Variants in ZC3H12B observed in about 807,000 individuals in gnomAD.
ZC3H12B encodes zinc finger CCCH-type containing 12B, also known as probable ribonuclease ZC3H12B.
Under a neutral mutation model 43.9 loss-of-function variants are expected in ZC3H12B, and 7 were observed. The ratio of observed to expected loss-of-function variants is 0.16; its 90% CI spans 0.09 to 0.30. The LOEUF (loss-of-function observed/expected upper bound fraction) is 0.30. Among genes scored for constraint, ZC3H12B ranks in the 10% least tolerant of loss-of-function variants. The pLI, the probability that ZC3H12B is intolerant of heterozygous loss-of-function variation, is 1.00. For missense variants in ZC3H12B, 475 were observed against 670.2 expected, an observed-to-expected ratio of 0.71 and a Z score of 3.22; for synonymous variants, 222 against 241.7, an observed-to-expected ratio of 0.92 and a Z score of 0.76.
intron 3 of ZC3H12B, among the ~76,000 whole-genome samples, chrX:65,476,694 T>C (rs1288683284): frequency 9.0e-6 from 1 of 111,228 alleles, no homozygotes; most frequent in Non-Finnish European, 1.9e-5. Context: ...AATGAGTATA[T>C]AGAGAGGTCC....
At chrX:65,337,667 A>C in the ZC3H12B span, among the ~76,000 whole-genome samples, 2 of 112,828 alleles carry the variant, frequency 1.8e-5, no homozygotes, top group South Asian at 7.3e-4. Context: ...TTTAAAATTA[A>C]CTAGAAGGGT....
the ZC3H12B span, among the ~76,000 whole-genome samples, chrX:65,215,490 T>C: frequency 1.8e-5 from 2 of 110,572 alleles, no homozygotes; most frequent in African/African-American, 6.6e-5. Flanking sequence ...TGCTTGCTTT[T>C]AACTTTTCTT....
At chrX:65,477,758 C>T (rs2068013297) in intron 3 of ZC3H12B, among the ~76,000 whole-genome samples, 1 of 108,824 alleles carries the variant, frequency 9.2e-6, no homozygotes, top group South Asian at 4.1e-4. Context: ...GAGCAAGACT[C>T]TGTCTCAAAA....
chrX:65,093,314 G>T, the ZC3H12B span, among the ~76,000 whole-genome samples: 7 of 112,183 alleles, frequency 6.2e-5, no homozygotes, highest in African/African-American at 1.3e-4. Context: ...GAAATGTGAG[G>T]TTGGAGCACC....
At chrX:65,377,252 C>T (rs1468749557) in intron 2 of ZC3H12B, among the ~76,000 whole-genome samples, 1 of 108,981 alleles carries the variant, frequency 9.2e-6, no homozygotes, top group Non-Finnish European at 1.9e-5. Context: ...AACAATGAAG[C>T]ACACTTAGAA....
chrX:65,260,067 G>A, the ZC3H12B span, among the ~76,000 whole-genome samples: 4 of 111,169 alleles, frequency 3.6e-5, no homozygotes, highest in Non-Finnish European at 5.7e-5. Flanking sequence ...TTGGGAACTC[G>A]TGGGAAAGGG....
chrX:65,234,107 A>G, the ZC3H12B span, among the ~76,000 whole-genome samples: 10 of 111,734 alleles, frequency 8.9e-5, no homozygotes, highest in East Asian at 2.8e-4. Flanking sequence ...ATGAATATGC[A>G]TACAAAAATA....
At chrX:65,385,871 G>T (rs5964435) in intron 2 of ZC3H12B, among the ~76,000 whole-genome samples, 26,834 of 111,384 alleles carry the variant, frequency 0.24, 7,708 homozygotes, top group African/African-American at 0.83. Flanking sequence ...CTGACTTTTG[G>T]CAAAGGCCTT....
intron 3 of ZC3H12B, among the ~76,000 whole-genome samples, chrX:65,434,034 A>C (rs59534392): frequency 8.9e-6 from 1 of 111,995 alleles, no homozygotes; most frequent in East Asian, 2.8e-4. Flanking sequence ...AAGTCACGCT[A>C]TCCTGATTCT....
At chrX:65,376,206 C>T (rs1342675117) in intron 2 of ZC3H12B, among the ~76,000 whole-genome samples, 1 of 112,161 alleles carries the variant, frequency 8.9e-6, no homozygotes, top group Non-Finnish European at 1.9e-5. Context: ...GGCTCTGCTT[C>T]CTGTGGAGAG....
chrX:65,426,781 AG>A (rs946110309), intron 3 of ZC3H12B, among the ~76,000 whole-genome samples: 1 of 112,010 alleles, frequency 8.9e-6, no homozygotes, highest in Non-Finnish European at 1.9e-5. Flanking sequence ...GTATGGTTTT[AG>A]GTGAATTTCT....
At chrX:65,066,408 G>A in the ZC3H12B span, among the ~76,000 whole-genome samples, 1 of 111,571 alleles carries the variant, frequency 9.0e-6, no homozygotes, top group Non-Finnish European at 1.9e-5. Flanking sequence ...CTCTTCTGCA[G>A]GTCTGTTGAA....
chrX:65,453,359 C>CATATAT lies in ZC3H12B; in HGVS notation n.408-35247_408-35242dup, dbSNP rs1159840122. 4.7e-3 allele frequency among the ~76,000 whole-genome samples: 128 copies of CATATAT among 27,161 alleles called. 2 individuals carry two copies. Among genetic ancestry groups the CATATAT allele is most frequent in the Non-Finnish European group, 6.5e-3 (100 of 15,283 alleles). 23.6% of individuals were successfully genotyped at this position (27,161 alleles called of 115,157 possible). A position where few individuals can be genotyped will look rare whatever the true frequency, so the allele number is the denominator to read the frequency against. On this transcript the variant is annotated intron_variant and non_coding_transcript_variant, in intron 3 of 5. Coordinates refer to the ZC3H12B transcript ENST00000617377. The stretch of plus-strand genomic sequence containing the variant: ...CAATAATATGGAACCAGCTCAAATG[C>CATATAT]ATATATATATATATATATATATATA...
At chrX:65,424,095 C>G (rs185172624) in intron 3 of ZC3H12B, among the ~76,000 whole-genome samples, 1 of 111,836 alleles carries the variant, frequency 8.9e-6, no homozygotes. Context: ...GTTGAACCAA[C>G]CCTGCATCCC....
At chrX:65,094,434 C>A in the ZC3H12B span, among the ~76,000 whole-genome samples, 3 of 111,432 alleles carry the variant, frequency 2.7e-5, no homozygotes, top group Non-Finnish European at 1.9e-5. Flanking sequence ...ACCCATTATT[C>A]TTCTCAGTGT....
chrX:65,284,811 T>C, the ZC3H12B span, among the ~76,000 whole-genome samples: 8 of 109,420 alleles, frequency 7.3e-5, no homozygotes, highest in African/African-American at 2.3e-4. Flanking sequence ...AAGAACCAAA[T>C]AGAAATTATG....
the ZC3H12B span, among the ~76,000 whole-genome samples, chrX:65,125,639 T>G: frequency 1.8e-5 from 2 of 111,393 alleles, no homozygotes; most frequent in South Asian, 3.7e-4. Flanking sequence ...AGTAATTGTT[T>G]TATGAATTTG....
the ZC3H12B span, among the ~76,000 whole-genome samples, chrX:65,112,312 C>G: frequency 8.9e-6 from 1 of 112,342 alleles, no homozygotes; most frequent in Non-Finnish European, 1.9e-5. Context: ...AGGAAAGAAG[C>G]TGTCTTCATA....
chrX:65,329,216 T>C, the ZC3H12B span, among the ~76,000 whole-genome samples: 4 of 111,417 alleles, frequency 3.6e-5, 1 homozygote, highest in Admixed American at 1.9e-4. Context: ...ACCTGTTCTT[T>C]CCTGACGTTT....
Sources: gnomAD v4.1 joint callset for allele counts (sites outside exome capture counted in the v4.1 genomes callset) on GRCh38, gnomAD v4.1.1 for gene constraint, MANE v1.5 for transcripts, NCBI Gene and HGNC (gene_info 2026-07-23, HGNC 2026-07-21) for gene names.